KLHL8: variants seen among roughly 807,000 people sequenced by gnomAD.
KLHL8 encodes kelch-like protein 8.
KLHL8 carries 38 observed loss-of-function variants against 63.5 expected under a neutral mutation model. That is an observed-to-expected ratio of 0.60 (90% CI 0.46 to 0.78). The LOEUF (loss-of-function observed/expected upper bound fraction) is 0.78, where lower values mean the gene tolerates loss of function less well. Ranked by LOEUF, KLHL8 falls within the 30% of genes least tolerant of loss-of-function variation. KLHL8 has a pLI of 0.00. For missense variants in KLHL8, 566 were observed against 752.4 expected (o/e 0.75, Z 2.90); for synonymous variants, 224 against 254.3 (o/e 0.88, Z 1.13).
At position 87,170,217 on chromosome 4, in the gene KLHL8, C is replaced by T. The variant is rs1217455520; in HGVS notation, c.1399G>A (p.Gly467Ser). ...GATAAAGAAGCCATTCCATCATTGC[C>T]ACCTACTGCATAAACATGGTTCTAA... The part of the protein sequence containing the change: ...ALVNHVYAVG[G>S]NDGMASLSSV... The change falls in exon 8 of 10, where the codon GGC becomes AGC. Residue 467 changes from glycine (G) to serine (S), a missense_variant. Transcript: ENST00000273963. 6.2e-7 allele frequency: 1 copy of T among 1,613,126 alleles called. No individual in the cohort carries two copies. Among genetic ancestry groups the T allele is most frequent in the Non-Finnish European group, 8.5e-7 (1 of 1,179,674 alleles).
chr4:87,224,566 C>T (rs960401916), upstream of KLHL8, among the ~76,000 whole-genome samples: 4 of 152,168 alleles, frequency 2.6e-5, no homozygotes, highest in Non-Finnish European at 4.4e-5. Context: ...GCCTGAACAC[C>T]GCCAGCAAGA....
chr4:87,230,111 G>T (rs888626636), intron 1 of KLHL8, among the ~76,000 whole-genome samples: 2 of 152,150 alleles, frequency 1.3e-5, no homozygotes, highest in Admixed American at 6.6e-5. Flanking sequence ...GCAGCTGCAA[G>T]GAATAATGCA....
intron 1 of KLHL8, among the ~76,000 whole-genome samples, chr4:87,209,613 C>T (rs1319111491): frequency 6.6e-6 from 1 of 152,134 alleles, no homozygotes; most frequent in Non-Finnish European, 1.5e-5. Flanking sequence ...TTGTGCTAAG[C>T]CAGACCACCT....
At chr4:87,167,154 G>T in intron 8 of KLHL8, 1 of 503,326 alleles carries the variant, frequency 2.0e-6, no homozygotes. Flanking sequence ...AAAAGGATTT[G>T]TCGCAGAAGA....
chr4:87,215,239 AT>A (rs1732552717), intron 1 of KLHL8, among the ~76,000 whole-genome samples: 1 of 152,208 alleles, frequency 6.6e-6, no homozygotes, highest in African/African-American at 2.4e-5. Context: ...AACTTTCATT[AT>A]TAAAGTTAAG....
chr4:87,215,590 T>C (rs1732563769), intron 1 of KLHL8, among the ~76,000 whole-genome samples: 1 of 152,200 alleles, frequency 6.6e-6, no homozygotes, highest in Non-Finnish European at 1.5e-5. Flanking sequence ...CTCCCAGCCT[T>C]GGGAATGCTA....
At chr4:87,168,693 T>C (rs952349777) in intron 8 of KLHL8, among the ~76,000 whole-genome samples, 1 of 147,436 alleles carries the variant, frequency 6.8e-6, no homozygotes, top group Non-Finnish European at 1.5e-5. Context: ...TGTGTATATA[T>C]ATACGTATAT....
At chr4:87,212,420 A>T (rs534508506) in intron 1 of KLHL8, among the ~76,000 whole-genome samples, 23 of 152,214 alleles carry the variant, frequency 1.5e-4, no homozygotes, top group African/African-American at 5.5e-4. Context: ...TCTCGACAAA[A>T]GATCAAAAAA....
Position 87,195,365 on chromosome 4 carries a change from G to C in KLHL8, c.175C>G (p.Arg59Gly). The C allele has an allele frequency of 1.9e-6, 3 of 1,612,904 alleles. No homozygotes were observed. Among genetic ancestry groups the C allele is most frequent in the Non-Finnish European group, 2.5e-6 (3 of 1,179,868 alleles). The change falls in exon 2 of 10, where the codon CGA (arginine) becomes GGA (glycine). Residue 59 changes from arginine (R) to glycine (G), a missense_variant. Coordinates refer to ENST00000273963, the MANE Select transcript of KLHL8 (RefSeq NM_020803.5). ...AWKDFHGSLLRFYENGELCDV... is the reference protein window; with the variant it reads ...AWKDFHGSLLGFYENGELCDV... ...CAGAGTTCTCCATTTTCATAAAATC[G>C]AAGAAGAGAACCATGAAAATCTTTC...
intron 2 of KLHL8, among the ~76,000 whole-genome samples, chr4:87,193,529 CTTT>C (rs1316490437): frequency 1.3e-5 from 2 of 151,832 alleles, no homozygotes; most frequent in South Asian, 2.1e-4. Context: ...CAATTTTTTT[CTTT>C]TTTTATGTAA....
chr4:87,221,671 G>A (rs1027538711), upstream of KLHL8, among the ~76,000 whole-genome samples: 2 of 151,078 alleles, frequency 1.3e-5, no homozygotes, highest in South Asian at 4.2e-4. Flanking sequence ...GATTTTAATA[G>A]AAATGAACAT....
chr4:87,199,379 C>T (rs1282000567), intron 1 of KLHL8, among the ~76,000 whole-genome samples: 1 of 151,966 alleles, frequency 6.6e-6, no homozygotes, highest in Admixed American at 6.6e-5. Flanking sequence ...CATAAAATGA[C>T]TAGACTTGAA....
In KLHL8 at chr4:87,163,268, G is replaced by T. The variant is rs781043765; in HGVS notation, c.*251C>A. ...CTACTTTAAGCATTTTTCAGGGTAG[G>T]TATGATTTTAAGTTCGACTATCTTC... On this transcript the variant is annotated 3_prime_UTR_variant, in exon 10 of 10. Coordinates refer to ENST00000273963, the MANE Select transcript of KLHL8 (RefSeq NM_020803.5). 3.5e-6 allele frequency: 1 copy of T among 282,458 alleles called. No individual in the cohort carries two copies. The allele number at this position is 282,458 out of a possible 1,614,324, so 17.5% of individuals were successfully genotyped here.
intron 1 of KLHL8, among the ~76,000 whole-genome samples, chr4:87,203,103 T>C (rs1380002841): frequency 6.6e-6 from 1 of 152,008 alleles, no homozygotes; most frequent in Non-Finnish European, 1.5e-5. Context: ...GTAAAAGTTA[T>C]CTCCAGTGCA....
chr4:87,173,195 G>C (rs930411072), intron 6 of KLHL8, among the ~76,000 whole-genome samples: 5 of 152,116 alleles, frequency 3.3e-5, no homozygotes, highest in Non-Finnish European at 4.4e-5. Context: ...AGTTCCTTCA[G>C]ATCATAATAA....
At chr4:87,183,701 T>C (rs539127920) in intron 3 of KLHL8, among the ~76,000 whole-genome samples, 1 of 152,302 alleles carries the variant, frequency 6.6e-6, no homozygotes, top group South Asian at 2.1e-4. Context: ...TTCATTCAAA[T>C]TGCTTACTTC....
At chr4:87,168,158 A>G (rs10006994) in intron 8 of KLHL8, among the ~76,000 whole-genome samples, 145,325 of 152,246 alleles carry the variant, frequency 0.95, 69,705 homozygotes, top group East Asian at 1. Context: ...ACTACAAGGT[A>G]TTTTAGGGGG....
At chr4:87,215,701 T>C (rs778820795) in intron 1 of KLHL8, among the ~76,000 whole-genome samples, 11 of 152,146 alleles carry the variant, frequency 7.2e-5, no homozygotes, top group Non-Finnish European at 1.6e-4. Context: ...AAACGCTTAT[T>C]CTTATAAGAA....
At chr4:87,231,328 T>A (rs918883028) in intron 1 of KLHL8, among the ~76,000 whole-genome samples, 16 of 152,176 alleles carry the variant, frequency 1.1e-4, no homozygotes, top group African/African-American at 3.9e-4. Context: ...CTTTTCCAAA[T>A]GAAATACCCT....
Sources: allele counts gnomAD v4.1 joint callset (sites outside exome capture counted in the v4.1 genomes callset), GRCh38; gene constraint gnomAD v4.1.1; transcripts MANE v1.5; gene names NCBI Gene and HGNC (gene_info 2026-07-23, HGNC 2026-07-21).